The following ARID1B variants were observed in gnomAD, a reference collection of about 807,000 sequenced individuals.
ARID1B encodes the protein AT-rich interactive domain-containing protein 1B.
ARID1B carries 30 observed loss-of-function variants against 212.3 expected under a neutral mutation model. That is an observed-to-expected ratio of 0.14 (90% CI 0.11 to 0.19). The LOEUF (loss-of-function observed/expected upper bound fraction) is 0.19, where lower values mean the gene tolerates loss of function less well. Ranked by LOEUF, ARID1B falls within the 10% of genes least tolerant of loss-of-function variation. The pLI, the probability that ARID1B is intolerant of heterozygous loss-of-function variation, is 1.00. For synonymous variants in ARID1B, 1,402 were observed against 1,301.7 expected (o/e 1.08, Z -1.66); for missense variants, 2,891 against 3,204.0 (o/e 0.90, Z 2.36).
chr6:157,170,671 T>C (rs1791656959), intron 9 of ARID1B, among the ~76,000 whole-genome samples: 1 of 152,162 alleles, frequency 6.6e-6, no homozygotes, highest in Non-Finnish European at 1.5e-5. Flanking sequence ...GCATGGCCAG[T>C]GTCCTGGGGG....
At chr6:157,121,712 A>T (rs150581059) in intron 6 of ARID1B, among the ~76,000 whole-genome samples, 1 of 144,154 alleles carries the variant, frequency 6.9e-6, no homozygotes, top group East Asian at 2.0e-4. Flanking sequence ...GCTCACTGCA[A>T]CCTCCACCTC....
intron 1 of ARID1B, among the ~76,000 whole-genome samples, chr6:156,823,685 G>GT (rs1471010222): frequency 2.0e-4 from 16 of 78,190 alleles, no homozygotes; most frequent in African/African-American, 3.0e-4. Context: ...GGTTTTCTTT[G>GT]TTGTTTTTTT....
intron 1 of ARID1B, among the ~76,000 whole-genome samples, chr6:156,781,794 C>T (rs1434621859): frequency 2.0e-5 from 3 of 152,032 alleles, no homozygotes; most frequent in African/African-American, 7.2e-5. Flanking sequence ...TGTCAGCCTG[C>T]TTTTAAAGGA....
In ARID1B at chr6:156,912,269, T is replaced by C. The variant is rs1396079039; in HGVS notation, c.2136+10744T>C. Among the ~76,000 whole-genome samples, 4 of 151,800 alleles carry C rather than the reference T, an allele frequency of 2.6e-5. No homozygotes were observed. The East Asian group carries it at 7.8e-4, about 29-fold the overall frequency. On this transcript the variant is annotated intron_variant, in intron 3 of 19. Transcript: ENST00000636930. Reference sequence around the variant, plus strand: ...AATCAAACCTCTTTTTTTTTTTTTTTTTTGTTTAACTGTTTCTTATGCCCC... The same window carrying C: ...AATCAAACCTCTTTTTTTTTTTTTTCTTTGTTTAACTGTTTCTTATGCCCC...
intron 4 of ARID1B, chr6:157,024,678 A>G (rs931711412): frequency 1.3e-5 from 2 of 152,332 alleles, no homozygotes; most frequent in East Asian, 3.8e-4. Flanking sequence ...TGGCTGAGGC[A>G]GGGAAATCAC....
rs1778961039 is a variant in ARID1B at position 156,779,035 on chromosome 6, G to A, written c.1355G>A (p.Ser452Asn). Reference protein sequence around the residue: ...GGSSAGYGVLSSPRQQGGGMM... With the variant: ...GGSSAGYGVLNSPRQQGGGMM... ...TCGTCCGCGGGGTACGGGGTGCTGAGCTCCCCCCGGCAGCAGGGCGGCGGC... is the reference window on the plus strand; with the variant it reads ...TCGTCCGCGGGGTACGGGGTGCTGAACTCCCCCCGGCAGCAGGGCGGCGGC... Residue 452 changes from serine to asparagine, a missense_variant, in exon 1 of 20, where the codon AGC (serine) becomes AAC (asparagine). Around this residue, in one of 7 missense-constraint regions of ARID1B, gnomAD observed 1,643 missense variants for 1,544.0 expected, o/e 1.06. Transcript: ENST00000636930. The A allele has an allele frequency of 8.1e-7, 1 of 1,230,160 alleles. No individual in the cohort carries two copies. The highest frequency in any genetic ancestry group is 1.0e-6 in the Non-Finnish European group (1 of 990,826). The allele number at this position is 1,230,160 out of a possible 1,614,324, so 76.2% of individuals were successfully genotyped here.
intron 4 of ARID1B, among the ~76,000 whole-genome samples, chr6:157,076,820 A>G (rs1369758094): frequency 1.3e-5 from 2 of 152,192 alleles, no homozygotes; most frequent in African/African-American, 4.8e-5. Flanking sequence ...CTACCTGGCA[A>G]TGATGTTTGG....
chr6:156,897,218 G>GCTGCTTCTT lies in ARID1B; in HGVS notation c.1987-4156_1987-4155insGCTTCTTCT, dbSNP rs1554264583. On this transcript the variant is annotated intron_variant, in intron 2 of 19. Coordinates refer to ENST00000636930, the MANE Select transcript of ARID1B (RefSeq NM_001374828.1). Reference sequence around the variant, plus strand: ...TGCTGCTGCTGCTGCTGCTGCTGCTGCTTCTTCTTCTTCTTCTTCTTCTTC... The same window carrying GCTGCTTCTT: ...TGCTGCTGCTGCTGCTGCTGCTGCTGCTGCTTCTTCTTCTTCTTCTTCTTCTTCTTCTTC... Among the ~76,000 whole-genome samples the GCTGCTTCTT allele has an allele frequency of 4.8e-3, 438 of 91,206 alleles. 2 individuals carry two copies. Among genetic ancestry groups the GCTGCTTCTT allele is most frequent in the East Asian group, 0.023 (62 of 2,714 alleles). The allele number at this position is 91,206 out of a possible 152,430, so 59.8% of individuals were successfully genotyped here.
intron 1 of ARID1B, among the ~76,000 whole-genome samples, chr6:156,800,448 G>C (rs1780695202): frequency 6.6e-6 from 1 of 152,084 alleles, no homozygotes; most frequent in African/African-American, 2.4e-5. Context: ...AATTAGCCAG[G>C]CTTGGTGGCA....
intron 4 of ARID1B, among the ~76,000 whole-genome samples, chr6:156,968,789 C>T (rs1776711446): frequency 6.6e-6 from 1 of 152,222 alleles, no homozygotes; most frequent in South Asian, 2.1e-4. Context: ...AGTCAAGGCT[C>T]CTTCCTCACA....
intron 4 of ARID1B, among the ~76,000 whole-genome samples, chr6:156,969,798 A>G (rs1329088083): frequency 6.6e-6 from 1 of 152,094 alleles, no homozygotes; most frequent in African/African-American, 2.4e-5. Flanking sequence ...ATTACATCCC[A>G]ATTTTCTAAA....
At chr6:157,073,804 G>A (rs1021584403) in intron 4 of ARID1B, among the ~76,000 whole-genome samples, 2 of 152,220 alleles carry the variant, frequency 1.3e-5, no homozygotes, top group Non-Finnish European at 1.5e-5. Context: ...CTTTATCACA[G>A]TAAGTATTTA....
At chr6:156,792,887 A>G (rs1363371560) in intron 1 of ARID1B, among the ~76,000 whole-genome samples, 2 of 151,896 alleles carry the variant, frequency 1.3e-5, no homozygotes, top group Non-Finnish European at 2.9e-5. Context: ...TGCTTAATGG[A>G]TACGATAGAC....
chr6:157,200,945 C>T lies in ARID1B; in HGVS notation c.4720C>T (p.Pro1574Ser). The T allele has an allele frequency of 3.1e-6, 5 of 1,613,998 alleles. No individual in the cohort carries two copies. The highest frequency in any genetic ancestry group is 4.2e-6 in the Non-Finnish European group (5 of 1,179,984). Residue 1574 changes from proline to serine, a missense_variant, in exon 18 of 20, where the codon CCG becomes TCG. Pro to Ser is a moderately conservative substitution (Grantham distance 74). Transcript: ENST00000636930. This position sits in a 1 kb window ranked among gnomAD's most constrained non-coding sequence, Gnocchi z 4.3. Reference sequence around the variant, plus strand: ...AATCCCGCCTCAGATGATGGGCGGCCCGCTGCAGTCGTCCTCCAGTGAGGG... The same window carrying T: ...AATCCCGCCTCAGATGATGGGCGGCTCGCTGCAGTCGTCCTCCAGTGAGGG... ...HGIPPQMMGG[P>S]LQSSSSEGPQ...
chr6:156,856,273 A>G (rs972790889), intron 2 of ARID1B, among the ~76,000 whole-genome samples: 1 of 152,186 alleles, frequency 6.6e-6, no homozygotes, highest in Non-Finnish European at 1.5e-5. Context: ...AGAACCATGT[A>G]TGTGTGTGTG....
intron 1 of ARID1B, among the ~76,000 whole-genome samples, chr6:156,796,245 A>T (rs1780369123): frequency 6.6e-6 from 1 of 151,800 alleles, no homozygotes; most frequent in Non-Finnish European, 1.5e-5. Context: ...GTTATCATGG[A>T]TTTCCAGTTT....
At chr6:157,168,041 CCGTGATG>C (rs1333719357) in intron 9 of ARID1B, 1 of 152,192 alleles carries the variant, frequency 6.6e-6, no homozygotes, top group African/African-American at 2.4e-5. Flanking sequence ...CCGTGATGCC[CCGTGATG>C]CGTTAGGAAT....
chr6:156,884,266 T>G (rs1787332865), intron 2 of ARID1B, among the ~76,000 whole-genome samples: 1 of 152,210 alleles, frequency 6.6e-6, no homozygotes, highest in Non-Finnish European at 1.5e-5. Flanking sequence ...ACTTTCAGTA[T>G]TTTTTAAGCT....
chr6:157,036,902 T>C, intron 4 of ARID1B: 1 of 495,750 alleles, frequency 2.0e-6, no homozygotes, highest in Non-Finnish European at 4.0e-6. Flanking sequence ...TAGTTCATTG[T>C]GGAGGTTTTT....
Sources: allele counts gnomAD v4.1 joint callset (sites outside exome capture counted in the v4.1 genomes callset), GRCh38; gene constraint gnomAD v4.1.1; regional missense constraint gnomAD v4.1.1; non-coding constraint Gnocchi (gnomAD v3.1); transcripts MANE v1.5; gene names NCBI Gene and HGNC (gene_info 2026-07-23, HGNC 2026-07-21).